ANGPT4: variants seen among roughly 807,000 people sequenced by gnomAD.
ANGPT4 encodes the protein angiopoietin 4.
In ANGPT4, 50 loss-of-function variants were observed where a neutral mutation model predicts 53.0. That is an observed-to-expected ratio of 0.94 (90% confidence interval 0.75 to 1.20). ANGPT4 has a LOEUF of 1.20. Ranked by LOEUF, ANGPT4 falls within the 50% of genes most tolerant of loss-of-function variation. ANGPT4 has a pLI of 0.00. For missense variants in ANGPT4, 648 were observed against 637.1 expected (o/e 1.02, Z -0.18); for synonymous variants, 251 against 259.7 (o/e 0.97, Z 0.32).
chr20:899,288 C>T (rs890183675), intron 1 of ANGPT4, among the ~76,000 whole-genome samples: 20 of 151,564 alleles, frequency 1.3e-4, no homozygotes, highest in Non-Finnish European at 2.6e-4. Flanking sequence ...CTCTCTATTG[C>T]CCAGGCTGGA....
At position 908,361 on chromosome 20, in the gene ANGPT4, G is replaced by A. The variant is rs1192768106; in HGVS notation, c.309+7545C>T. On this transcript the variant is annotated intron_variant, in intron 1 of 8. Transcript: ENST00000381922. This position sits in a 1 kb window ranked among gnomAD's most constrained non-coding sequence, Gnocchi z 4.9. The stretch of plus-strand genomic sequence containing the variant: ...GCTTTTGGCCCATTCTACCCCCAGG[G>A]CCTTTGCACTTGCTGTCCCGTGTGC... Among the ~76,000 whole-genome samples the A allele has an allele frequency of 6.6e-6, 1 of 152,122 alleles. No individual in the cohort carries two copies. The highest frequency in any genetic ancestry group is 2.4e-5 in the African/African-American group (1 of 41,406).
Position 873,001 on chromosome 20 carries a change from G to A in ANGPT4, c.1471C>T (p.Leu491=). 2 of 1,614,146 alleles carry A rather than the reference G, an allele frequency of 1.2e-6. No individual in the cohort carries two copies. The highest frequency in any genetic ancestry group is 1.7e-4 in the Middle Eastern group (1 of 6,058). The change falls in exon 9 of 9, where the codon CTG becomes TTG. Residue 491 remains leucine, a synonymous_variant. Coordinates refer to ENST00000381922, the MANE Select transcript of ANGPT4 (RefSeq NM_015985.4). ...WHYFKGPSYS[L]RASRMMIRPL... ...CGTATCATCATGCGAGAGGCACGCA[G>A]TGAGTAGCTGGGGCCCTTGAAGTAG...
In ANGPT4 at chr20:876,466, G is replaced by A. The variant is rs531194488; in HGVS notation, c.1220+1695C>T. Among the ~76,000 whole-genome samples, 5 of 152,332 alleles carry A rather than the reference G, an allele frequency of 3.3e-5. No homozygotes were observed. In the East Asian group the frequency reaches 9.7e-4, roughly 29 times the overall value. ...AGCCGTGCTCCCAGAAAGCAGTCCA[G>A]TCAAGGGTGTGAAAGGCTGCCACGA... On this transcript the variant is annotated intron_variant, in intron 7 of 8. Coordinates refer to ENST00000381922, the MANE Select transcript of ANGPT4 (RefSeq NM_015985.4).
chr20:876,634 C>G (rs6108096), intron 7 of ANGPT4, among the ~76,000 whole-genome samples: 2,706 of 152,290 alleles, frequency 0.018, 70 homozygotes, highest in African/African-American at 0.059. Context: ...CAGATGAAAC[C>G]GTGAAGGGAC....
Position 888,384 on chromosome 20 carries a change from G to T in ANGPT4, c.521C>A (p.Thr174Asn), listed in dbSNP as rs766695384. Residue 174 changes from threonine to asparagine, a missense_variant, in exon 3 of 9, where the codon ACC (threonine) becomes AAC (asparagine). Thr to Asn is a moderately conservative substitution (Grantham distance 65). Coordinates refer to ENST00000381922, the MANE Select transcript of ANGPT4 (RefSeq NM_015985.4). ...CAGCAGCTGGTTCTCCAGCTTGTTG[G>T]TGGACAGAAAGGTCTCTGGCATCTG... ...DAQMPETFLS[T>N]NKLENQLLLQ... 5.6e-6 allele frequency: 9 copies of T among 1,613,792 alleles called. No homozygotes were observed. Among genetic ancestry groups the T allele is most frequent in the Non-Finnish European group, 7.6e-6 (9 of 1,179,940 alleles).
chr20:888,823 C>G (rs527581827), intron 2 of ANGPT4, among the ~76,000 whole-genome samples: 1 of 152,192 alleles, frequency 6.6e-6, no homozygotes, highest in Non-Finnish European at 1.5e-5. Context: ...AATCTATTCT[C>G]TACTCAGTAG....
intron 1 of ANGPT4, among the ~76,000 whole-genome samples, chr20:900,356 G>A (rs116822817): frequency 0.025 from 3,825 of 152,184 alleles, 180 homozygotes; most frequent in African/African-American, 0.085. Context: ...AACCTCTGAC[G>A]GCTGCCACCC....
chr20:872,817 T>C lies in ANGPT4; in HGVS notation c.*143A>G. 3 of 1,060,682 alleles carry C rather than the reference T, an allele frequency of 2.8e-6. No homozygotes were observed. Among genetic ancestry groups the C allele is most frequent in the Non-Finnish European group, 4.1e-6 (3 of 727,420 alleles). 65.7% of individuals were successfully genotyped at this position (1,060,682 alleles called of 1,614,324 possible). A position where few individuals can be genotyped will look rare whatever the true frequency, so the allele number is the denominator to read the frequency against. On this transcript the variant is annotated 3_prime_UTR_variant, in exon 9 of 9. Transcript: ENST00000381922. Reference sequence around the variant, plus strand: ...TGGGGGGCAGATGACCCTTCTGGACTTCTGGGTCAAGGAGGGCTGGCTCAG... The same window carrying C: ...TGGGGGGCAGATGACCCTTCTGGACCTCTGGGTCAAGGAGGGCTGGCTCAG...
In ANGPT4 at chr20:916,182, G is replaced by A. The variant is rs1453234119; in HGVS notation, c.33C>T (p.Ser11=). The A allele has an allele frequency of 7.4e-6, 12 of 1,613,874 alleles. No homozygotes were observed. The highest frequency in any genetic ancestry group is 3.3e-5 in the South Asian group (3 of 91,082). MLSQLAMLQG[S]LLLVVATMSV... ...ACATGGTGGCAACCACAAGGAGGAG[G>A]CTGCCCTGCAGCATGGCTAGCTGGG... The change falls in exon 1 of 9, where the codon AGC becomes AGT. Residue 11 remains serine, a synonymous_variant. Coordinates refer to ENST00000381922, the MANE Select transcript of ANGPT4 (RefSeq NM_015985.4).
At position 874,295 on chromosome 20, in the gene ANGPT4, A is replaced by T; in HGVS notation, c.1340T>A (p.Val447Glu). The T allele has an allele frequency of 1.2e-6, 2 of 1,614,012 alleles. No homozygotes were observed. The highest frequency in any genetic ancestry group is 1.1e-5 in the South Asian group (1 of 91,078). Residue 447 changes from valine to glutamate, a missense_variant, in exon 8 of 9, where the codon GTG becomes GAG. Physicochemically the swap from Val to Glu is moderately radical, Grantham distance 121. Coordinates refer to ENST00000381922, the MANE Select transcript of ANGPT4 (RefSeq NM_015985.4). ...NDHCLCKCAQ[V>E]MSGGWWFDAC... is the part of the protein sequence containing the mutation. Reference sequence around the variant, plus strand: ...CACCCTGCACCTACCTCCAGACATCACTTGGGCACACTTGCAGAGACAGTG... The same window carrying T: ...CACCCTGCACCTACCTCCAGACATCTCTTGGGCACACTTGCAGAGACAGTG...
intron 1 of ANGPT4, among the ~76,000 whole-genome samples, chr20:904,999 G>A (rs1982423587): frequency 6.6e-6 from 1 of 152,132 alleles, no homozygotes; most frequent in African/African-American, 2.4e-5. Flanking sequence ...GTCTGCAGAG[G>A]TGGCCACAGG....
rs922740617 is a variant in ANGPT4 at position 914,933 on chromosome 20, C to T, written c.309+973G>A. On this transcript the variant is annotated intron_variant, in intron 1 of 8. Transcript: ENST00000381922. The surrounding 1 kb of genome is among the most constrained non-coding windows in gnomAD (Gnocchi z 5.0). ...TGGGCCAAAACCACAGTGGCATCCT[C>T]AGCTCCTTGCTTCCTCCCACTCCGC... Among the ~76,000 whole-genome samples the T allele has an allele frequency of 6.6e-6, 1 of 152,182 alleles. No individual in the cohort carries two copies. The highest frequency in any genetic ancestry group is 1.5e-5 in the Non-Finnish European group (1 of 68,030).
Position 873,027 on chromosome 20 carries a change from T to C in ANGPT4, c.1445A>G (p.His482Arg), listed in dbSNP as rs1981006583. The change falls in exon 9 of 9, where the codon CAC (histidine) becomes CGC (arginine). Residue 482 changes from histidine to arginine, a missense_variant. Physicochemically the swap from His to Arg is conservative, Grantham distance 29. Transcript: ENST00000381922. ...TGAGTAGCTGGGGCCCTTGAAGTAG[T>C]GCCAGCGGATGCCGTCCATCTTGTA... ...NKYKMDGIRW[H>R]YFKGPSYSLR... 9 of 1,614,112 alleles carry C rather than the reference T, an allele frequency of 5.6e-6. No homozygotes were observed. Among genetic ancestry groups the C allele is most frequent in the South Asian group, 1.1e-5 (1 of 91,088 alleles).
At chr20:875,736 G>T (rs1203857752) in intron 7 of ANGPT4, among the ~76,000 whole-genome samples, 1 of 152,200 alleles carries the variant, frequency 6.6e-6, no homozygotes, top group African/African-American at 2.4e-5. Flanking sequence ...TTGGCAGATG[G>T]CTGGGCCTGG....
intron 1 of ANGPT4, among the ~76,000 whole-genome samples, chr20:913,251 G>C (rs973824551): frequency 2.6e-5 from 4 of 152,280 alleles, no homozygotes; most frequent in African/African-American, 9.6e-5. Flanking sequence ...GAAGATCTGA[G>C]ATATGCCTGG....
intron 1 of ANGPT4, among the ~76,000 whole-genome samples, chr20:901,172 A>G (rs1029162499): frequency 3.3e-5 from 5 of 152,174 alleles, no homozygotes; most frequent in Admixed American, 2.0e-4. Context: ...GTTTTGTCCC[A>G]ACACTTCACC....
At chr20:883,784 C>CTGAG (rs1237871737) in intron 4 of ANGPT4, among the ~76,000 whole-genome samples, 1 of 152,244 alleles carries the variant, frequency 6.6e-6, no homozygotes, top group African/African-American at 2.4e-5. Context: ...GTGCCTTGGG[C>CTGAG]TGAGCTACAA....
chr20:879,124 T>A (rs912588510), intron 6 of ANGPT4, among the ~76,000 whole-genome samples: 2 of 152,248 alleles, frequency 1.3e-5, no homozygotes, highest in African/African-American at 4.8e-5. Flanking sequence ...ATTTGGTATT[T>A]ATTTTTAAGT....
Position 885,187 on chromosome 20 carries a change from G to T in ANGPT4, c.726C>A (p.Arg242=), listed in dbSNP as rs1282560552. The T allele has an allele frequency of 1.9e-6, 3 of 1,602,898 alleles. No homozygotes were observed. The highest frequency in any genetic ancestry group is 1.7e-5 in the Admixed American group (1 of 58,526). Residue 242 remains arginine (R), a synonymous_variant, in exon 4 of 9, where the codon CGC becomes CGA. Coordinates refer to ENST00000381922, the MANE Select transcript of ANGPT4 (RefSeq NM_015985.4). ...AALTNIERGL[R]GVRHNSSLLQ... ...GGAGGCTGGAGTTGTGCCTGACACC[G>T]CGCAGGCCGCGCTCGATGTTGGTGA... is the stretch of plus-strand genomic sequence containing the variant.
Sources: allele counts gnomAD v4.1 joint callset (sites outside exome capture counted in the v4.1 genomes callset), GRCh38; gene constraint gnomAD v4.1.1; non-coding constraint Gnocchi (gnomAD v3.1); transcripts MANE v1.5; gene names NCBI Gene and HGNC (gene_info 2026-07-23, HGNC 2026-07-21).